The following CEP63 variants were observed in gnomAD, a reference collection of about 807,000 sequenced individuals.
CEP63 encodes the protein centrosomal protein 63.
Under a neutral mutation model 89.1 loss-of-function variants are expected in CEP63, and 84 were observed. The observed-to-expected ratio is 0.94, with a 90% confidence interval of 0.79 to 1.13. The LOEUF (loss-of-function observed/expected upper bound fraction) is 1.13, where lower values mean the gene tolerates loss of function less well. Among genes scored for constraint, CEP63 ranks in the 50% most tolerant of loss-of-function variants. The pLI, the probability that CEP63 is intolerant of heterozygous loss-of-function variation, is 0.00. For missense variants in CEP63, 838 were observed against 813.3 expected (o/e 1.03, Z -0.37); for synonymous variants, 267 against 272.5 (o/e 0.98, Z 0.20).
the CEP63 span, among the ~76,000 whole-genome samples, chr3:134,770,353 T>A: frequency 1.3e-5 from 2 of 152,368 alleles, no homozygotes; most frequent in South Asian, 4.1e-4. Context: ...TAGCATACTT[T>A]TTCTAGTTAT....
the CEP63 span, among the ~76,000 whole-genome samples, chr3:134,746,074 C>T: frequency 0.028 from 4,188 of 151,870 alleles, 86 homozygotes; most frequent in Middle Eastern, 0.058. Context: ...CACCACCCCC[C>T]CCACCCCATG....
At chr3:134,650,589 CA>C in the CEP63 span, among the ~76,000 whole-genome samples, 1 of 152,218 alleles carries the variant, frequency 6.6e-6, no homozygotes, top group African/African-American at 2.4e-5. Context: ...GAAGCACCCA[CA>C]GGCCTGCACA....
At chr3:134,588,032 G>A (rs1289382145), downstream of CEP63, among the ~76,000 whole-genome samples, 7 of 152,236 alleles carry the variant, frequency 4.6e-5, no homozygotes, top group East Asian at 3.9e-4. Flanking sequence ...TGGTGATGAC[G>A]TCTGTAATTC....
the CEP63 span, among the ~76,000 whole-genome samples, chr3:134,725,780 C>T: frequency 6.6e-6 from 1 of 152,176 alleles, no homozygotes; most frequent in Non-Finnish European, 1.5e-5. Flanking sequence ...GTGTCTCCTT[C>T]CAGCAGGCTT....
intron 6 of CEP63, among the ~76,000 whole-genome samples, chr3:134,537,698 T>G (rs983788901): frequency 6.6e-6 from 1 of 152,140 alleles, no homozygotes; most frequent in African/African-American, 2.4e-5. Context: ...TTCCATGTCT[T>G]TCTGTCTCTT....
the CEP63 span, among the ~76,000 whole-genome samples, chr3:134,756,832 G>A: frequency 6.6e-6 from 1 of 152,202 alleles, no homozygotes; most frequent in African/African-American, 2.4e-5. Context: ...AGGGATGGGG[G>A]CACCTGTCAC....
intron 1 of CEP63, among the ~76,000 whole-genome samples, chr3:134,494,092 A>ATATTTATTTATTTATT (rs56200311): frequency 9.8e-5 from 14 of 143,522 alleles, no homozygotes; most frequent in Non-Finnish European, 1.4e-4. Flanking sequence ...CCTTTATTTT[A>ATATTTATTTATTTATT]TATTTATTTA....
chr3:134,706,817 C>G, the CEP63 span, among the ~76,000 whole-genome samples: 1 of 152,224 alleles, frequency 6.6e-6, no homozygotes, highest in African/African-American at 2.4e-5. Context: ...GTGGCTCCAG[C>G]AATCCATGGT....
In CEP63 at chr3:134,561,886, A is replaced by C; in HGVS notation, c.*351A>C. ...TATGATACATGTTGAAAATAAAGTA[A>C]CTGCAGGAACTTTCTTTAGGGGAAA... On this transcript the variant is annotated 3_prime_UTR_variant, in exon 15 of 15. Transcript: ENST00000675561. 1 of 1,066,522 alleles carries C rather than the reference A, an allele frequency of 9.4e-7. No individual in the cohort carries two copies. Among genetic ancestry groups the C allele is most frequent in the Non-Finnish European group, 1.1e-6 (1 of 878,612 alleles). 66.1% of individuals were successfully genotyped at this position (1,066,522 alleles called of 1,614,324 possible).
intron 13 of CEP63, among the ~76,000 whole-genome samples, chr3:134,558,639 C>T (rs1008372945): frequency 2.0e-5 from 3 of 152,126 alleles, no homozygotes; most frequent in African/African-American, 7.2e-5. Flanking sequence ...CCCCATTTGC[C>T]CATAAGAAGT....
At chr3:134,661,542 G>A in the CEP63 span, among the ~76,000 whole-genome samples, 1 of 136,978 alleles carries the variant, frequency 7.3e-6, no homozygotes, top group Non-Finnish European at 1.6e-5. Flanking sequence ...CACTTATGAA[G>A]ATAACAATGG....
intron 1 of CEP63, among the ~76,000 whole-genome samples, chr3:134,492,902 G>A (rs1165811528): frequency 6.6e-6 from 1 of 152,056 alleles, no homozygotes; most frequent in Non-Finnish European, 1.5e-5. Flanking sequence ...CTCTAAGCCT[G>A]TTTTCTCAAA....
chr3:134,578,334 T>TTGTTTG (rs1553798184), downstream of CEP63, among the ~76,000 whole-genome samples: 866 of 24,012 alleles, frequency 0.036, 14 homozygotes, highest in African/African-American at 0.079. Context: ...TTTTTTTTTT[T>TTGTTTG]TTTTTTTTTT....
At position 134,563,311 on chromosome 3, in the gene CEP63, C is replaced by G. The variant is rs931804566; in HGVS notation, c.*1776C>G. On this transcript the variant is annotated 3_prime_UTR_variant, in exon 15 of 15. Transcript: ENST00000675561. Reference sequence around the variant, plus strand: ...TCTCTCACCCTGATTCTGGCAGTAGCCTCCTAACTGATAGTACTCACACCA... The same window carrying G: ...TCTCTCACCCTGATTCTGGCAGTAGGCTCCTAACTGATAGTACTCACACCA... The G allele has an allele frequency of 2.0e-5, 3 of 152,020 alleles. No homozygotes were observed. Among genetic ancestry groups the G allele is most frequent in the African/African-American group, 7.3e-5 (3 of 41,220 alleles). 9.4% of individuals were successfully genotyped at this position (152,020 alleles called of 1,614,324 possible). A position where few individuals can be genotyped will look rare whatever the true frequency, so the allele number is the denominator to read the frequency against.
chr3:134,564,923 T>C lies in CEP63; in HGVS notation c.*3388T>C. 1 of 983,808 alleles carries C rather than the reference T, an allele frequency of 1.0e-6. No individual in the cohort carries two copies. The highest frequency in any genetic ancestry group is 1.2e-6 in the Non-Finnish European group (1 of 828,416). 60.9% of individuals were successfully genotyped at this position (983,808 alleles called of 1,614,324 possible). A position where few individuals can be genotyped will look rare whatever the true frequency, so the allele number is the denominator to read the frequency against. ...TGTTTTTTAAAGCTGAAGTATCTAA[T>C]AGTTAATGGGTTGTCCAAATTTGTC... On this transcript the variant is annotated 3_prime_UTR_variant, in exon 15 of 15. Transcript: ENST00000675561.
At chr3:134,651,502 A>G in the CEP63 span, 11 of 999,030 alleles carry the variant, frequency 1.1e-5, no homozygotes, top group Admixed American at 5.5e-5. Flanking sequence ...GAATTGCAAG[A>G]TGTGCAGAGA....
chr3:134,743,787 CA>C, the CEP63 span, among the ~76,000 whole-genome samples: 1 of 152,070 alleles, frequency 6.6e-6, no homozygotes, highest in African/African-American at 2.4e-5. Flanking sequence ...AATGTCCTCC[CA>C]AAAAACTCTT....
At chr3:134,510,184 T>C (rs1944500943) in intron 3 of CEP63, among the ~76,000 whole-genome samples, 1 of 152,206 alleles carries the variant, frequency 6.6e-6, no homozygotes, top group East Asian at 1.9e-4. Context: ...ACTGTTTTCT[T>C]AGTGCTCAGC....
the CEP63 span, among the ~76,000 whole-genome samples, chr3:134,685,998 CCA>C: frequency 3.9e-5 from 6 of 152,208 alleles, no homozygotes; most frequent in African/African-American, 1.4e-4. Context: ...CTGACTTGCT[CCA>C]AGTCAATCAG....
Sources: gnomAD v4.1 joint callset for allele counts (sites outside exome capture counted in the v4.1 genomes callset) on GRCh38, gnomAD v4.1.1 for gene constraint, MANE v1.5 for transcripts, NCBI Gene and HGNC (gene_info 2026-07-23, HGNC 2026-07-21) for gene names.